Variants in ZCWPW2 observed in about 807,000 individuals in gnomAD.
The protein encoded by ZCWPW2 is zinc finger CW-type PWWP domain protein 2.
ZCWPW2 carries 45 observed loss-of-function variants against 46.6 expected under a neutral mutation model. That is an observed-to-expected ratio of 0.96 (90% CI 0.76 to 1.24). ZCWPW2 has a LOEUF of 1.24. ZCWPW2 is among the 50% of genes most tolerant of loss of function. ZCWPW2 has a pLI of 0.00. For synonymous variants in ZCWPW2, 152 were observed against 137.1 expected (o/e 1.11, Z -0.76); for missense variants, 429 against 403.9 (o/e 1.06, Z -0.53).
intron 1 of ZCWPW2, among the ~76,000 whole-genome samples, chr3:28,362,436 C>G (rs957267202): frequency 1.3e-5 from 2 of 152,044 alleles, no homozygotes; most frequent in Non-Finnish European, 2.9e-5. Flanking sequence ...AGACACTTTT[C>G]AAAAGAAGAC....
intron 4 of ZCWPW2, among the ~76,000 whole-genome samples, chr3:28,450,754 C>T (rs897937166): frequency 2.0e-5 from 3 of 151,932 alleles, no homozygotes; most frequent in African/African-American, 7.3e-5. Flanking sequence ...TGGGGGGTAC[C>T]AGAGATCATT....
chr3:28,498,447 T>C (rs537786122), intron 6 of ZCWPW2, among the ~76,000 whole-genome samples: 1 of 152,138 alleles, frequency 6.6e-6, no homozygotes, highest in South Asian at 2.1e-4. Flanking sequence ...ATAATTACCC[T>C]GTATGATTTT....
chr3:28,421,936 G>A (rs540200134), intron 3 of ZCWPW2, among the ~76,000 whole-genome samples: 1 of 150,016 alleles, frequency 6.7e-6, no homozygotes, highest in Non-Finnish European at 1.5e-5. Flanking sequence ...TTTTCTCAAA[G>A]TATCAAAAAT....
chr3:28,388,041 G>T (rs1385362353), intron 1 of ZCWPW2, among the ~76,000 whole-genome samples: 1 of 152,134 alleles, frequency 6.6e-6, no homozygotes, highest in Non-Finnish European at 1.5e-5. Context: ...AGGTTAGCAG[G>T]CTGGAGACAG....
At position 28,518,651 on chromosome 3, in the gene ZCWPW2, G is replaced by A. The variant is rs187196116; in HGVS notation, c.785-2341G>A. ...AACAGAGAGCCTACAATGCCATTTC[G>A]CAATGATATTTATTATCATAAACTG... On this transcript the variant is annotated intron_variant, in intron 8 of 9. Coordinates refer to ENST00000383768, the MANE Select transcript of ZCWPW2 (RefSeq NM_001040432.4). 9.9e-5 allele frequency among the ~76,000 whole-genome samples: 15 copies of A among 152,180 alleles called. No individual in the cohort carries two copies. The South Asian group carries it at 2.3e-3, about 23-fold the overall frequency.
intron 1 of ZCWPW2, among the ~76,000 whole-genome samples, chr3:28,379,603 AT>A (rs1705607841): frequency 6.6e-6 from 1 of 152,140 alleles, no homozygotes; most frequent in Non-Finnish European, 1.5e-5. Flanking sequence ...TCTCTGTTCT[AT>A]TTCCAAAACA....
chr3:28,456,673 T>C (rs1008286503), intron 4 of ZCWPW2, among the ~76,000 whole-genome samples: 2 of 152,182 alleles, frequency 1.3e-5, no homozygotes, highest in Non-Finnish European at 2.9e-5. Flanking sequence ...GAGAGTTTTT[T>C]ACATGAAAGG....
chr3:28,478,917 T>A lies in ZCWPW2; in HGVS notation c.596T>A (p.Leu199Gln). 2 of 1,578,794 alleles carry A rather than the reference T, an allele frequency of 1.3e-6. No homozygotes were observed. The highest frequency in any genetic ancestry group is 1.7e-6 in the Non-Finnish European group (2 of 1,165,608). ...GAGCAAAGACTGGAAATGTGCTGCCTATCAAAACTACAAGGTGTATAAATA... is the reference window on the plus strand; with the variant it reads ...GAGCAAAGACTGGAAATGTGCTGCCAATCAAAACTACAAGGTGTATAAATA... ...SHEQRLEMCC[L>Q]SKLQDKSETH... The change falls in exon 5 of 10, where the codon CTA becomes CAA. Residue 199 changes from leucine to glutamine, a missense_variant. Transcript: ENST00000383768.
intron 8 of ZCWPW2, among the ~76,000 whole-genome samples, chr3:28,520,389 C>G (rs932532123): frequency 1.3e-5 from 2 of 152,198 alleles, no homozygotes; most frequent in Admixed American, 1.3e-4. Context: ...TGGGAAGGCA[C>G]TAGCCTGTGT....
chr3:28,383,276 T>C (rs573821804), intron 1 of ZCWPW2, among the ~76,000 whole-genome samples: 1 of 148,414 alleles, frequency 6.7e-6, no homozygotes, highest in Non-Finnish European at 1.5e-5. Context: ...CATTACCACA[T>C]AGTAGCTAAT....
chr3:28,515,047 C>A (rs1172925210), intron 7 of ZCWPW2, among the ~76,000 whole-genome samples: 1 of 152,156 alleles, frequency 6.6e-6, no homozygotes, highest in South Asian at 2.1e-4. Flanking sequence ...AATGAAGAAT[C>A]CCTAGCTTGG....
At chr3:28,408,630 T>G (rs773680117) in intron 2 of ZCWPW2, among the ~76,000 whole-genome samples, 19 of 152,204 alleles carry the variant, frequency 1.2e-4, no homozygotes, top group Admixed American at 6.5e-5. Flanking sequence ...CTCCCACCTT[T>G]TCAGCAGGAG....
intron 6 of ZCWPW2, among the ~76,000 whole-genome samples, chr3:28,503,074 T>G (rs1017722033): frequency 2.6e-5 from 4 of 152,178 alleles, no homozygotes; most frequent in African/African-American, 9.6e-5. Flanking sequence ...ATTAATTTAC[T>G]TGGAATTTGA....
At chr3:28,380,557 A>G (rs1695012213) in intron 1 of ZCWPW2, among the ~76,000 whole-genome samples, 1 of 152,158 alleles carries the variant, frequency 6.6e-6, no homozygotes, top group African/African-American at 2.4e-5. Context: ...TCATGTCGTC[A>G]ATGATTTCCA....
intron 1 of ZCWPW2, among the ~76,000 whole-genome samples, chr3:28,366,066 A>T (rs1370266448): frequency 6.6e-6 from 1 of 151,948 alleles, no homozygotes; most frequent in Non-Finnish European, 1.5e-5. Flanking sequence ...GGTTTTCTAG[A>T]TATACAATCA....
rs1696465592 is a variant in ZCWPW2 at position 28,413,055 on chromosome 3, G to T, written c.-13-1G>T. On this transcript the variant is annotated splice_acceptor_variant, in intron 2 of 9. Transcript: ENST00000383768. LOFTEE classifies it low-confidence loss of function (5UTR_SPLICE). ...TTATTTTCCTCTTTCTTATTTTCCA[G>T]ATTAAATGCCTTAATGGATAAAGAA... The T allele has an allele frequency of 3.1e-6, 5 of 1,590,664 alleles. No individual in the cohort carries two copies. Among genetic ancestry groups the T allele is most frequent in the Non-Finnish European group, 4.3e-6 (5 of 1,167,276 alleles).
rs1704402807 is a variant in ZCWPW2 at position 28,348,932 on chromosome 3, G to A, written c.-405G>A. 2.0e-6 allele frequency: 2 copies of A among 984,858 alleles called. No individual in the cohort carries two copies. The highest frequency in any genetic ancestry group is 3.5e-5 in the African/African-American group (2 of 57,240). 61.0% of individuals were successfully genotyped at this position (984,858 alleles called of 1,614,324 possible). A position where few individuals can be genotyped will look rare whatever the true frequency, so the allele number is the denominator to read the frequency against. ...CGTCGGGACCAGCACGGGCCGGAGG[G>A]AGGGGAAGCACTCCGGAAAGTGATT... On this transcript the variant is annotated 5_prime_UTR_variant, in exon 1 of 10. Transcript: ENST00000383768.
intron 4 of ZCWPW2, among the ~76,000 whole-genome samples, chr3:28,441,337 C>G (rs1162632308): frequency 6.6e-6 from 1 of 152,168 alleles, no homozygotes; most frequent in African/African-American, 2.4e-5. Context: ...GACCATCCAA[C>G]CAAACCATTG....
Position 28,440,550 on chromosome 3 carries a change from C to G in ZCWPW2, c.492+5281C>G, listed in dbSNP as rs145068103. ...AGCCTTCTGGAGAACTTTGGCCAAG[C>G]CCTGCAAAGTATTGTCACCTAGTTG... On this transcript the variant is annotated intron_variant, in intron 4 of 9. Coordinates refer to ENST00000383768, the MANE Select transcript of ZCWPW2 (RefSeq NM_001040432.4). Among the ~76,000 whole-genome samples, 377 of 152,246 alleles carry G rather than the reference C, an allele frequency of 2.5e-3. 4 individuals carry two copies. The highest frequency in any genetic ancestry group is 8.1e-3 in the African/African-American group (336 of 41,560).
Sources: gnomAD v4.1 joint callset for allele counts (sites outside exome capture counted in the v4.1 genomes callset) on GRCh38, gnomAD v4.1.1 for gene constraint, MANE v1.5 for transcripts, NCBI Gene and HGNC (gene_info 2026-07-23, HGNC 2026-07-21) for gene names.